AGBL4: variants seen among roughly 807,000 people sequenced by gnomAD.
AGBL4 encodes the protein cytosolic carboxypeptidase 6.
Under a neutral mutation model 66.4 loss-of-function variants are expected in AGBL4, and 58 were observed. The ratio of observed to expected loss-of-function variants is 0.87; its 90% confidence interval spans 0.71 to 1.09. The LOEUF (loss-of-function observed/expected upper bound fraction) is 1.09. AGBL4 is among the 50% of genes least tolerant of loss of function. The pLI is 0.00. For missense variants in AGBL4, 579 were observed against 631.0 expected (o/e 0.92, Z 0.88); for synonymous variants, 234 against 222.9 (o/e 1.05, Z -0.44).
chr1:48,895,035 T>A (rs1195587631), intron 5 of AGBL4, among the ~76,000 whole-genome samples: 1 of 152,206 alleles, frequency 6.6e-6, no homozygotes, highest in Non-Finnish European at 1.5e-5. Flanking sequence ...TTAGCAGACG[T>A]ACCTGGGCAG....
chr1:48,740,308 C>G (rs1226342119), intron 6 of AGBL4, among the ~76,000 whole-genome samples: 1 of 152,162 alleles, frequency 6.6e-6, no homozygotes, highest in Admixed American at 6.5e-5. Flanking sequence ...GAGTACTGGC[C>G]TGGGAACCAG....
intron 5 of AGBL4, among the ~76,000 whole-genome samples, chr1:49,033,298 C>T (rs1437272777): frequency 1.3e-5 from 2 of 151,976 alleles, no homozygotes; most frequent in Admixed American, 1.3e-4. Flanking sequence ...TGGGAGCCCA[C>T]GGAACTCTAC....
intron 11 of AGBL4, among the ~76,000 whole-genome samples, chr1:48,556,767 A>G (rs1326133904): frequency 6.6e-6 from 1 of 152,128 alleles, no homozygotes; most frequent in Non-Finnish European, 1.5e-5. Context: ...AATTGTTTAT[A>G]AATACCTATT....
At chr1:49,383,807 T>A (rs34361942) in intron 3 of AGBL4, among the ~76,000 whole-genome samples, 15,121 of 145,980 alleles carry the variant, frequency 0.1, 856 homozygotes, top group East Asian at 0.21. Context: ...ATATATATTT[T>A]TTTTTTTTGA....
At chr1:49,901,194 C>T (rs75217960) in intron 1 of AGBL4, among the ~76,000 whole-genome samples, 1 of 152,090 alleles carries the variant, frequency 6.6e-6, no homozygotes, top group African/African-American at 2.4e-5. Context: ...CTGGCCAGAG[C>T]AATCAGGCAA....
intron 2 of AGBL4, among the ~76,000 whole-genome samples, chr1:49,810,461 G>GT (rs1307313881): frequency 6.6e-6 from 1 of 152,052 alleles, no homozygotes; most frequent in African/African-American, 2.4e-5. Flanking sequence ...TTTCAGGAAA[G>GT]TTTTTATGGA....
chr1:48,784,976 T>C (rs1645377431), intron 6 of AGBL4, among the ~76,000 whole-genome samples: 1 of 152,250 alleles, frequency 6.6e-6, no homozygotes, highest in Non-Finnish European at 1.5e-5. Context: ...TGCAACTCGC[T>C]TCTTGAAATT....
At chr1:49,461,096 C>T (rs537043936) in intron 3 of AGBL4, among the ~76,000 whole-genome samples, 1 of 151,658 alleles carries the variant, frequency 6.6e-6, no homozygotes, top group East Asian at 2.0e-4. Flanking sequence ...GTTTTTGCAA[C>T]AAATATCCCA....
rs150590898 is a variant in AGBL4 at position 49,298,350 on chromosome 1, C to A, written c.283-52486G>T. On this transcript the variant is annotated intron_variant, in intron 3 of 13. Transcript: ENST00000371839. ...CAAAGCAACAGATCTCCCCTCTCCC[C>A]CCAGGTTCCCTGATGGTTTCAGTGC... is the stretch of plus-strand genomic sequence containing the variant. 4.2e-4 allele frequency among the ~76,000 whole-genome samples: 64 copies of A among 152,328 alleles called. 1 individual carries two copies. The East Asian group carries it at 0.012, about 28-fold the overall frequency.
intron 3 of AGBL4, among the ~76,000 whole-genome samples, chr1:49,476,138 G>T (rs1455709024): frequency 2.6e-5 from 4 of 151,114 alleles, no homozygotes; most frequent in Non-Finnish European, 4.4e-5. Flanking sequence ...TTATTTCAAA[G>T]AATTTTTTTT....
intron 6 of AGBL4, among the ~76,000 whole-genome samples, chr1:48,763,293 G>A (rs1300509151): frequency 6.6e-6 from 1 of 152,168 alleles, no homozygotes; most frequent in Non-Finnish European, 1.5e-5. Context: ...TGCACTCATT[G>A]TGCCTATAAA....
chr1:49,299,133 C>T (rs1011134915), intron 3 of AGBL4, among the ~76,000 whole-genome samples: 1 of 152,022 alleles, frequency 6.6e-6, no homozygotes. Flanking sequence ...TCAATATTCC[C>T]ATATCACAGT....
chr1:48,926,021 A>T (rs528570192), intron 5 of AGBL4, among the ~76,000 whole-genome samples: 132 of 152,332 alleles, frequency 8.7e-4, no homozygotes, highest in African/African-American at 3.1e-3. Flanking sequence ...TCCTGTGGTT[A>T]GATGAATGAG....
chr1:48,910,684 G>A (rs1248176943), intron 5 of AGBL4, among the ~76,000 whole-genome samples: 1 of 152,042 alleles, frequency 6.6e-6, no homozygotes, highest in Non-Finnish European at 1.5e-5. Context: ...CTGCCCGTGG[G>A]TGCCCCTGAC....
chr1:49,981,404 G>A (rs922724279), intron 1 of AGBL4, among the ~76,000 whole-genome samples: 9 of 152,136 alleles, frequency 5.9e-5, no homozygotes, highest in Admixed American at 5.9e-4. Flanking sequence ...GTCTTAAAGT[G>A]TGTATGTACC....
chr1:48,613,159 A>T (rs1162483171), intron 9 of AGBL4, among the ~76,000 whole-genome samples: 1 of 152,074 alleles, frequency 6.6e-6, no homozygotes, highest in African/African-American at 2.4e-5. Flanking sequence ...ATTATGAGAC[A>T]CTTTAAGAGG....
At chr1:49,485,274 G>T (rs1285044551) in intron 3 of AGBL4, among the ~76,000 whole-genome samples, 1 of 151,914 alleles carries the variant, frequency 6.6e-6, no homozygotes, top group Non-Finnish European at 1.5e-5. Context: ...ATACTATGCA[G>T]CCATAAAAAA....
chr1:49,141,241 A>G lies in AGBL4; in HGVS notation c.378-95441T>C, dbSNP rs551129452. 3.9e-5 allele frequency among the ~76,000 whole-genome samples: 6 copies of G among 152,322 alleles called. No homozygotes were observed. The East Asian group carries it at 1.2e-3, about 29-fold the overall frequency. ...CAAATGAATTAGAGACTGAAAAGTA[A>G]TATTTTATGCATTCATTCATTCATT... On this transcript the variant is annotated intron_variant, in intron 4 of 13. Coordinates refer to ENST00000371839, the MANE Select transcript of AGBL4 (RefSeq NM_032785.4).
chr1:48,689,091 T>C lies in AGBL4; in HGVS notation c.635-25850A>G, dbSNP rs374980485. Among the ~76,000 whole-genome samples the C allele has an allele frequency of 3.3e-5, 5 of 150,640 alleles. No homozygotes were observed. In the East Asian group the frequency reaches 9.8e-4, roughly 30 times the overall value. Reference sequence around the variant, plus strand: ...CTTAGCTGGGCTGTGGTGGTGCACGTGTGCCTGCAATCCCAGCCACTCAGG... The same window carrying C: ...CTTAGCTGGGCTGTGGTGGTGCACGCGTGCCTGCAATCCCAGCCACTCAGG... On this transcript the variant is annotated intron_variant, in intron 6 of 13. Transcript: ENST00000371839.
Sources: gnomAD v4.1 joint callset for allele counts (sites outside exome capture counted in the v4.1 genomes callset) on GRCh38, gnomAD v4.1.1 for gene constraint, MANE v1.5 for transcripts, NCBI Gene and HGNC (gene_info 2026-07-23, HGNC 2026-07-21) for gene names.